GFPT1: variants seen among roughly 807,000 people sequenced by gnomAD.
The protein encoded by GFPT1 is glutamine--fructose-6-phosphate transaminase 1, also known as glutamine--fructose-6-phosphate aminotransferase [isomerizing] 1.
GFPT1 carries 40 observed loss-of-function variants against 92.0 expected under a neutral mutation model. The observed-to-expected ratio is 0.43, with a 90% confidence interval of 0.34 to 0.57. GFPT1 has a LOEUF of 0.57. Ranked by LOEUF, GFPT1 falls within the 20% of genes least tolerant of loss-of-function variation. GFPT1 has a pLI of 0.02. For synonymous variants in GFPT1, 269 were observed against 280.6 expected, an observed-to-expected ratio of 0.96 and a Z score of 0.41; for missense variants, 448 against 869.1, an observed-to-expected ratio of 0.52 and a Z score of 6.09.
intron 10 of GFPT1, among the ~76,000 whole-genome samples, chr2:69,349,013 C>T (rs749371139): frequency 3.3e-5 from 5 of 152,142 alleles, no homozygotes; most frequent in Non-Finnish European, 7.4e-5. Flanking sequence ...CTCCCTCTAC[C>T]TGTTAACCTA....
intron 1 of GFPT1, among the ~76,000 whole-genome samples, chr2:69,383,469 A>G (rs551479961): frequency 1.3e-5 from 2 of 152,374 alleles, no homozygotes; most frequent in South Asian, 4.1e-4. Flanking sequence ...AGCCAATCTC[A>G]GCATCCCTCA....
intron 1 of GFPT1, among the ~76,000 whole-genome samples, chr2:69,374,441 G>A (rs1671826601): frequency 6.6e-6 from 1 of 151,940 alleles, no homozygotes; most frequent in African/African-American, 2.4e-5. Flanking sequence ...AGCCTCCCGA[G>A]TAGCTGGGAC....
rs1459428419 is a variant in GFPT1 at position 69,319,932 on chromosome 2, C to T, written c.*6257G>A. The T allele has an allele frequency of 6.6e-6, 1 of 152,174 alleles. No individual in the cohort carries two copies. The highest frequency in any genetic ancestry group is 1.5e-5 in the Non-Finnish European group (1 of 68,036). The allele number at this position is 152,174 out of a possible 1,614,324, so 9.4% of individuals were successfully genotyped here. Reference sequence around the variant, plus strand: ...ATAAATTAGAGTGGCTAGACACATTCAAGTCTAGCAGAAAGAAACTTGAAA... The same window carrying T: ...ATAAATTAGAGTGGCTAGACACATTTAAGTCTAGCAGAAAGAAACTTGAAA... On this transcript the variant is annotated 3_prime_UTR_variant, in exon 20 of 20. Transcript: ENST00000357308.
Position 69,363,584 on chromosome 2 carries a change from G to C in GFPT1, c.310C>G (p.Pro104Ala). The C allele has an allele frequency of 6.2e-7, 1 of 1,613,700 alleles. No individual in the cohort carries two copies. The change falls in exon 4 of 20, where the codon CCT (proline) becomes GCT (alanine). Residue 104 changes from proline (P) to alanine (A), a missense_variant. Transcript: ENST00000357308. ...GAGCGCTGGGGGTGGCTATTGACAG[G>C]ACTGGGTTCTCCATGTGTTGCCCAA... ...TRWATHGEPSPVNSHPQRSDK... is the reference protein window; with the variant it reads ...TRWATHGEPSAVNSHPQRSDK...
rs145156108 is a variant in GFPT1, at chr2:69,339,878, ATATTT to A, written c.1204-1318_1204-1314del. ...TTTTTTATTATTCTTTTCCATTAAT[ATATTT>A]TATTATACATAATTAAGTTACCGAC... On this transcript the variant is annotated intron_variant, in intron 13 of 19. Coordinates refer to ENST00000357308, the MANE Select transcript of GFPT1 (RefSeq NM_001244710.2). Among the ~76,000 whole-genome samples the A allele has an allele frequency of 2.4e-4, 37 of 152,274 alleles. No individual in the cohort carries two copies. In the East Asian group the frequency reaches 7.1e-3, roughly 29 times the overall value.
chr2:69,320,152 GA>G lies in GFPT1; in HGVS notation c.*6036del, dbSNP rs1313016308. The G allele has an allele frequency of 3.9e-5, 6 of 152,222 alleles. No individual in the cohort carries two copies. The highest frequency in any genetic ancestry group is 1.2e-4 in the African/African-American group (5 of 41,470). 9.4% of individuals were successfully genotyped at this position (152,222 alleles called of 1,614,324 possible). ...GTAACCTAAAAGGGAGCTACTGGCA[GA>G]AATAAAAACTAGTGATACTGATAAC... is the stretch of plus-strand genomic sequence containing the variant. On this transcript the variant is annotated 3_prime_UTR_variant, in exon 20 of 20. Coordinates refer to ENST00000357308, the MANE Select transcript of GFPT1 (RefSeq NM_001244710.2).
chr2:69,377,835 G>A (rs1261845381), intron 1 of GFPT1, among the ~76,000 whole-genome samples: 1 of 152,134 alleles, frequency 6.6e-6, no homozygotes, highest in African/African-American at 2.4e-5. Context: ...GGGGATACCG[G>A]GTTAACTGTA....
intron 8 of GFPT1, 40 bp from the exon 9 acceptor site, chr2:69,354,352 A>G: frequency 1.3e-6 from 2 of 1,492,490 alleles, no homozygotes; most frequent in East Asian, 2.3e-5. Context: ...ATCATCAGAG[A>G]ACTCACAAAA....
chr2:69,345,945 A>G lies in GFPT1; in HGVS notation c.1064T>C (p.Val355Ala). The part of the protein sequence containing the change: ...KEIFEQPESV[V>A]NTMRGRVNFD... ...GTTGACTCTTCCTCTCATTGTGTTC[A>G]CGACAGACTCTGGCTGCTCAAATAT... Residue 355 changes from valine to alanine, a missense_variant, in exon 12 of 20, where the codon GTG becomes GCG. Around this residue, in one of 7 missense-constraint regions of GFPT1, gnomAD observed 121 missense variants for 304.3 expected, o/e 0.40. Coordinates refer to ENST00000357308, the MANE Select transcript of GFPT1 (RefSeq NM_001244710.2). 6.2e-7 allele frequency: 1 copy of G among 1,606,788 alleles called. No homozygotes were observed. Among genetic ancestry groups the G allele is most frequent in the Non-Finnish European group, 8.5e-7 (1 of 1,173,298 alleles).
intron 11 of GFPT1, among the ~76,000 whole-genome samples, chr2:69,347,126 G>A (rs1051766170): frequency 1.3e-5 from 2 of 151,882 alleles, no homozygotes; most frequent in Admixed American, 6.6e-5. Context: ...GCTGAGGCTG[G>A]TCTTGAACTC....
intron 3 of GFPT1, among the ~76,000 whole-genome samples, chr2:69,369,268 T>C (rs1671687138): frequency 1.3e-5 from 2 of 152,130 alleles, no homozygotes; most frequent in Non-Finnish European, 2.9e-5. Context: ...ACAAAATCCA[T>C]CATTTTCCTC....
In GFPT1 at chr2:69,359,312, G is replaced by A; in HGVS notation, c.364C>T (p.His122Tyr). The A allele has an allele frequency of 6.4e-7, 1 of 1,573,798 alleles. No individual in the cohort carries two copies. ...SDKNNEFIVIHNGIITNYKDL... is the reference protein window; with the variant it reads ...SDKNNEFIVIYNGIITNYKDL... ...TTGTAGTTGGTGATGATTCCATTGT[G>A]AATAACGATAAATTCTAAAAGAGGT... The change falls in exon 5 of 20, where the codon CAC becomes TAC. Residue 122 changes from histidine to tyrosine, a missense_variant. By Grantham distance (83) the His-to-Tyr change is moderately conservative. Around this residue, in one of 7 missense-constraint regions of GFPT1, gnomAD observed 118 missense variants for 192.9 expected, o/e 0.61. Transcript: ENST00000357308.
rs943227929 is a variant in GFPT1, at chr2:69,387,184, A to G, written c.-113T>C. The G allele has an allele frequency of 1.3e-5, 16 of 1,216,348 alleles. No individual in the cohort carries two copies. Among genetic ancestry groups the G allele is most frequent in the Non-Finnish European group, 6.7e-6 (6 of 894,784 alleles). The allele number at this position is 1,216,348 out of a possible 1,614,324, so 75.3% of individuals were successfully genotyped here. On this transcript the variant is annotated 5_prime_UTR_variant, in exon 1 of 20. Coordinates refer to ENST00000357308, the MANE Select transcript of GFPT1 (RefSeq NM_001244710.2). ...GCTCGGGGGCCGGGGTGGCGCCGAC[A>G]CGACTCCCTCGGGGATGCGACGGCC... is the stretch of plus-strand genomic sequence containing the variant.
At chr2:69,361,221 A>G (rs900110786) in intron 4 of GFPT1, among the ~76,000 whole-genome samples, 6 of 151,766 alleles carry the variant, frequency 4.0e-5, no homozygotes, top group Non-Finnish European at 8.8e-5. Flanking sequence ...GCTGAGATAG[A>G]TGGATCACCT....
intron 12 of GFPT1, among the ~76,000 whole-genome samples, chr2:69,345,311 CAGGTTATCCAA>C (rs1313728278): frequency 6.6e-6 from 1 of 152,126 alleles, no homozygotes; most frequent in Non-Finnish European, 1.5e-5. Flanking sequence ...CAGGAGGGTA[CAGGTTATCCAA>C]AGGCATCAGG....
At chr2:69,348,863 A>G (rs1671144802) in intron 10 of GFPT1, among the ~76,000 whole-genome samples, 1 of 152,158 alleles carries the variant, frequency 6.6e-6, no homozygotes, top group Admixed American at 6.5e-5. Flanking sequence ...GAGAGACAAC[A>G]AAGTGCCTTA....
chr2:69,372,136 G>A (rs1289250598), intron 2 of GFPT1, among the ~76,000 whole-genome samples: 1 of 149,322 alleles, frequency 6.7e-6, no homozygotes, highest in African/African-American at 2.5e-5. Context: ...GGAGGTGGAG[G>A]CTGCAGTGAG....
chr2:69,379,011 G>T (rs990600048), intron 1 of GFPT1, among the ~76,000 whole-genome samples: 2 of 152,186 alleles, frequency 1.3e-5, no homozygotes, highest in African/African-American at 2.4e-5. Flanking sequence ...ACTGTGGGAA[G>T]AGAGGCAGAG....
intron 15 of GFPT1, among the ~76,000 whole-genome samples, chr2:69,337,226 T>C (rs1488836023): frequency 2.0e-5 from 3 of 151,898 alleles, no homozygotes; most frequent in South Asian, 2.1e-4. Flanking sequence ...CTACCACACC[T>C]GGCTAATTTT....
Sources: allele counts gnomAD v4.1 joint callset (sites outside exome capture counted in the v4.1 genomes callset), GRCh38; gene constraint gnomAD v4.1.1; regional missense constraint gnomAD v4.1.1; transcripts MANE v1.5; gene names NCBI Gene and HGNC (gene_info 2026-07-23, HGNC 2026-07-21).